PIK3C2G: variants seen among roughly 807,000 people sequenced by gnomAD.
PIK3C2G encodes phosphatidylinositol 3-kinase C2 domain-containing subunit gamma.
PIK3C2G carries 168 observed loss-of-function variants against 181.1 expected under a neutral mutation model. The ratio of observed to expected loss-of-function variants is 0.93; its 90% CI spans 0.82 to 1.05. PIK3C2G has a LOEUF of 1.05. Ranked by LOEUF, PIK3C2G falls within the 50% of genes least tolerant of loss-of-function variation. The pLI is 0.00. For missense variants in PIK3C2G, 1,869 were observed against 1,732.8 expected (o/e 1.08, Z -1.40); for synonymous variants, 573 against 592.2 (o/e 0.97, Z 0.47).
chr12:18,463,716 G>C (rs186047916), intron 18 of PIK3C2G, among the ~76,000 whole-genome samples: 49 of 152,296 alleles, frequency 3.2e-4, no homozygotes, highest in Admixed American at 2.7e-3. Flanking sequence ...TAAGAAATGG[G>C]AGAGACATCA....
intron 24 of PIK3C2G, among the ~76,000 whole-genome samples, chr12:18,508,621 A>G (rs1401306911): frequency 6.6e-6 from 1 of 152,172 alleles, no homozygotes; most frequent in Non-Finnish European, 1.5e-5. Context: ...ACACATACTC[A>G]GATGTATTAA....
At chr12:18,659,627 T>C in the PIK3C2G span, among the ~76,000 whole-genome samples, 464 of 151,868 alleles carry the variant, frequency 3.1e-3, no homozygotes, top group Non-Finnish European at 5.3e-3. Context: ...GTGTCAGGCC[T>C]CTTAAGTCTC....
intron 16 of PIK3C2G, among the ~76,000 whole-genome samples, chr12:18,402,257 G>T (rs1204431295): frequency 6.6e-6 from 1 of 152,154 alleles, no homozygotes; most frequent in Non-Finnish European, 1.5e-5. Flanking sequence ...TATGCTAAGT[G>T]AAAGAAGCCA....
At chr12:18,540,854 A>G (rs1944113745) in intron 25 of PIK3C2G, among the ~76,000 whole-genome samples, 1 of 151,778 alleles carries the variant, frequency 6.6e-6, no homozygotes, top group South Asian at 2.1e-4. Flanking sequence ...ATACATGTAA[A>G]ACAGCACTGT....
At chr12:18,340,501 G>A (rs1421454048) in intron 9 of PIK3C2G, among the ~76,000 whole-genome samples, 1 of 152,060 alleles carries the variant, frequency 6.6e-6, no homozygotes, top group Non-Finnish European at 1.5e-5. Flanking sequence ...CTGAAAAAGG[G>A]CTTTCTAATT....
At chr12:18,314,155 A>C (rs563118773) in intron 6 of PIK3C2G, 91 bp downstream of exon 6, 301 of 641,738 alleles carry the variant, frequency 4.7e-4, no homozygotes, top group Non-Finnish European at 7.6e-4. Context: ...ACTTGGAATT[A>C]TATAGCTTAA....
intron 5 of PIK3C2G, among the ~76,000 whole-genome samples, chr12:18,302,975 G>A (rs1950237885): frequency 6.6e-6 from 1 of 152,048 alleles, no homozygotes; most frequent in Non-Finnish European, 1.5e-5. Flanking sequence ...TGAGCACGGG[G>A]TGGAGGGGCA....
At chr12:18,411,613 G>A (rs1307472943) in intron 16 of PIK3C2G, among the ~76,000 whole-genome samples, 1 of 152,192 alleles carries the variant, frequency 6.6e-6, no homozygotes, top group East Asian at 1.9e-4. Context: ...TGCTGAGTGT[G>A]TCATCAGACT....
intron 18 of PIK3C2G, chr12:18,424,980 A>C (rs2135724061): frequency 5.3e-6 from 1 of 187,102 alleles, no homozygotes; most frequent in Middle Eastern, 1.7e-3. Flanking sequence ...GGTCCTGATG[A>C]ATATGAAGAG....
At chr12:18,503,160 G>A in intron 22 of PIK3C2G, 121 bp from the exon 23 acceptor site, 1 of 599,346 alleles carries the variant, frequency 1.7e-6, no homozygotes, top group Non-Finnish European at 2.7e-6. Flanking sequence ...CTCCAGAAAA[G>A]AAGATTTGAA....
chr12:18,673,903 CA>C, the PIK3C2G span, among the ~76,000 whole-genome samples: 6 of 152,170 alleles, frequency 3.9e-5, no homozygotes, highest in Non-Finnish European at 8.8e-5. Context: ...CTTGCTTCAT[CA>C]TAGTGTGCAA....
At chr12:18,662,518 G>A in the PIK3C2G span, among the ~76,000 whole-genome samples, 1 of 152,050 alleles carries the variant, frequency 6.6e-6, no homozygotes, top group Non-Finnish European at 1.5e-5. Context: ...AAGGCTTTGT[G>A]AAGAAGTAAA....
chr12:18,688,152 T>C, the PIK3C2G span: 1 of 1,611,580 alleles, frequency 6.2e-7, no homozygotes, highest in African/African-American at 1.3e-5. Context: ...AAAACTTCTA[T>C]AATTACTAAT....
intron 29 of PIK3C2G, among the ~76,000 whole-genome samples, chr12:18,587,748 CAAACAAAACA>C (rs147292830): frequency 0.016 from 2,434 of 151,016 alleles, 63 homozygotes; most frequent in African/African-American, 0.054. Context: ...CAATAACAAC[CAAACAAAACA>C]AAACAAAACA....
At chr12:18,662,308 A>AAAG in the PIK3C2G span, among the ~76,000 whole-genome samples, 2 of 151,734 alleles carry the variant, frequency 1.3e-5, no homozygotes, top group African/African-American at 4.8e-5. Flanking sequence ...ACCTCTAAAC[A>AAAG]TAAAGGTTTT....
At chr12:18,661,602 A>G in the PIK3C2G span, among the ~76,000 whole-genome samples, 74 of 152,174 alleles carry the variant, frequency 4.9e-4, no homozygotes, top group Non-Finnish European at 5.4e-4. Flanking sequence ...ATGAGAGACC[A>G]TCTCACACCA....
downstream of PIK3C2G, among the ~76,000 whole-genome samples, chr12:18,649,522 CCCCACTTCCCTGCCAATTGCTGA>C (rs1328954164): frequency 3.9e-5 from 6 of 152,070 alleles, no homozygotes; most frequent in Non-Finnish European, 8.8e-5. Flanking sequence ...TTTCTCGTTA[CCCCACTTCCCTGCCAATTGCTGA>C]CCCACTACCC....
At chr12:18,396,973 A>G (rs949996403) in intron 15 of PIK3C2G, among the ~76,000 whole-genome samples, 2 of 151,844 alleles carry the variant, frequency 1.3e-5, no homozygotes, top group Non-Finnish European at 3.0e-5. Context: ...CAAAGCAATC[A>G]TGAAAAAAGA....
intron 16 of PIK3C2G, among the ~76,000 whole-genome samples, chr12:18,406,039 C>T (rs1200819403): frequency 1.3e-5 from 2 of 152,114 alleles, no homozygotes; most frequent in African/African-American, 2.4e-5. Flanking sequence ...TTCCATTTCT[C>T]CTCTCCCCAA....
Sources: allele counts gnomAD v4.1 joint callset (sites outside exome capture counted in the v4.1 genomes callset), GRCh38; gene constraint gnomAD v4.1.1; transcripts MANE v1.5; gene names NCBI Gene and HGNC (gene_info 2026-07-23, HGNC 2026-07-21).